Variants in MIA2 observed in about 807,000 individuals in gnomAD.
The protein encoded by MIA2 is melanoma inhibitory activity protein 2.
A neutral mutation model predicts 167.8 loss-of-function variants in MIA2; 127 were observed. That is an observed-to-expected ratio of 0.76 (90% confidence interval 0.66 to 0.88). The LOEUF is 0.88. Among genes scored for constraint, MIA2 ranks in the 40% least tolerant of loss-of-function variants. MIA2 has a pLI of 0.00. For synonymous variants in MIA2, 552 were observed against 541.9 expected (o/e 1.02, Z -0.26); for missense variants, 1,690 against 1,624.7 (o/e 1.04, Z -0.69).
At chr14:39,253,704 T>C (rs1157270654) in intron 6 of MIA2, 1 of 152,028 alleles carries the variant, frequency 6.6e-6, no homozygotes, top group Non-Finnish European at 1.5e-5. Flanking sequence ...TTGTATTCAA[T>C]TGAGAGTTGT....
chr14:39,330,217 A>G (rs1313398740), intron 25 of MIA2, among the ~76,000 whole-genome samples: 2 of 152,124 alleles, frequency 1.3e-5, no homozygotes, highest in Non-Finnish European at 2.9e-5. Context: ...GTGTCCAGGA[A>G]TTTATCCATT....
chr14:39,323,654 C>A (rs2066910424), intron 24 of MIA2, among the ~76,000 whole-genome samples: 1 of 152,108 alleles, frequency 6.6e-6, no homozygotes, highest in South Asian at 2.1e-4. Context: ...TTAAACTTCA[C>A]ACATCACAAA....
chr14:39,341,448 A>G (rs2071819801), intron 25 of MIA2, among the ~76,000 whole-genome samples: 1 of 152,212 alleles, frequency 6.6e-6, no homozygotes, highest in Non-Finnish European at 1.5e-5. Flanking sequence ...AAACCCTGGA[A>G]TATTAAGCAC....
intron 6 of MIA2, among the ~76,000 whole-genome samples, chr14:39,261,927 C>T (rs1243171804): frequency 6.6e-6 from 1 of 151,932 alleles, no homozygotes; most frequent in Non-Finnish European, 1.5e-5. Flanking sequence ...AAATTTTGTC[C>T]CATTCTGTAG....
intron 6 of MIA2, among the ~76,000 whole-genome samples, chr14:39,271,387 CT>C (rs2057117318): frequency 6.6e-6 from 1 of 152,008 alleles, no homozygotes; most frequent in Non-Finnish European, 1.5e-5. Context: ...ATTATTGTTT[CT>C]TTGTAGTAAG....
intron 6 of MIA2, chr14:39,267,414 G>A (rs1474733177): frequency 1.9e-6 from 3 of 1,608,884 alleles, no homozygotes; most frequent in East Asian, 4.5e-5. Flanking sequence ...TTGTGGCCCC[G>A]ACAGGCCGGG....
At chr14:39,356,490 T>C (rs922555760) in intron 23 of MIA2, among the ~76,000 whole-genome samples, 3 of 152,174 alleles carry the variant, frequency 2.0e-5, no homozygotes, top group African/African-American at 7.2e-5. Context: ...GTTGTTGATC[T>C]TTTCAAAAAA....
intron 23 of MIA2, chr14:39,386,291 C>G: frequency 2.0e-6 from 3 of 1,470,046 alleles, no homozygotes; most frequent in Middle Eastern, 1.7e-4. Flanking sequence ...TGAGGAATTT[C>G]TGGCCTCCAA....
chr14:39,234,855 T>C (rs2053659497), intron 1 of MIA2, among the ~76,000 whole-genome samples: 1 of 152,022 alleles, frequency 6.6e-6, no homozygotes, highest in Admixed American at 6.6e-5. Flanking sequence ...GAAATTAATT[T>C]CCATTCTATT....
intron 23 of MIA2, among the ~76,000 whole-genome samples, chr14:39,357,619 C>T (rs1363618560): frequency 3.3e-5 from 5 of 152,112 alleles, no homozygotes; most frequent in South Asian, 2.1e-4. Context: ...TTATTTTGCT[C>T]GTTAGTTGAT....
At chr14:39,358,866 G>A (rs899572915) in intron 23 of MIA2, among the ~76,000 whole-genome samples, 16 of 152,170 alleles carry the variant, frequency 1.1e-4, no homozygotes, top group African/African-American at 2.4e-4. Context: ...GCAGAACAGC[G>A]GATATTGGTG....
chr14:39,321,318 A>AT (rs1478104648), intron 24 of MIA2, among the ~76,000 whole-genome samples: 3 of 151,720 alleles, frequency 2.0e-5, no homozygotes, highest in Non-Finnish European at 4.4e-5. Flanking sequence ...TTTTAATTTT[A>AT]ATTTTTATTT....
chr14:39,366,799 C>T (rs1389144420), intron 23 of MIA2, among the ~76,000 whole-genome samples: 4 of 152,220 alleles, frequency 2.6e-5, no homozygotes, highest in African/African-American at 7.2e-5. Flanking sequence ...CACTAGTGCA[C>T]TGTTGTCCTT....
At chr14:39,324,224 G>A (rs2067017657) in intron 24 of MIA2, among the ~76,000 whole-genome samples, 2 of 152,202 alleles carry the variant, frequency 1.3e-5, no homozygotes, top group African/African-American at 4.8e-5. Context: ...AATCAGGAAG[G>A]AAAGCCTCTG....
rs2053644632 is a variant in MIA2 at position 39,234,534 on chromosome 14, G to GC, written c.115+305_115+306insC. On this transcript the variant is annotated intron_variant, in intron 1 of 28. Transcript: ENST00000640607. ...GAGTCTCTGAGCCTATTCTGGCTCA[G>GC]AAGGCTGCCCATTAAAAAAAAAAGA... Among the ~76,000 whole-genome samples the GC allele has an allele frequency of 3.3e-5, 5 of 151,722 alleles. No individual in the cohort carries two copies. In the South Asian group the frequency reaches 1.0e-3, roughly 32 times the overall value.
At chr14:39,322,303 G>T (rs1416881125) in intron 24 of MIA2, among the ~76,000 whole-genome samples, 1 of 152,020 alleles carries the variant, frequency 6.6e-6, no homozygotes, top group Non-Finnish European at 1.5e-5. Context: ...AGTATTTTGG[G>T]AGGCCGACGG....
intron 9 of MIA2, among the ~76,000 whole-genome samples, chr14:39,288,479 T>A (rs1484462507): frequency 1.5e-4 from 10 of 64,954 alleles, no homozygotes; most frequent in Non-Finnish European, 3.0e-4. Context: ...ATATATATTT[T>A]TTTTTTTTTT....
chr14:39,269,099 T>TTTTTTTTTG (rs6145306), intron 6 of MIA2: 1 of 829,296 alleles, frequency 1.2e-6, no homozygotes, highest in Non-Finnish European at 1.4e-6. Context: ...TTTTTTTTTT[T>TTTTTTTTTG]GCTAAATGCG....
chr14:39,309,882 G>C (rs1331312256), intron 18 of MIA2, among the ~76,000 whole-genome samples: 1 of 151,610 alleles, frequency 6.6e-6, no homozygotes, highest in Non-Finnish European at 1.5e-5. Context: ...AAATGCCTAA[G>C]TACACTGAAG....
Sources: allele counts gnomAD v4.1 joint callset (sites outside exome capture counted in the v4.1 genomes callset), GRCh38; gene constraint gnomAD v4.1.1; transcripts MANE v1.5; gene names NCBI Gene and HGNC (gene_info 2026-07-23, HGNC 2026-07-21).